The following CDH23 variants were observed in gnomAD, a reference collection of about 807,000 sequenced individuals.
CDH23 encodes cadherin related 23.
A neutral mutation model predicts 317.1 loss-of-function variants in CDH23; 189 were observed. The ratio of observed to expected loss-of-function variants is 0.60; its 90% confidence interval spans 0.53 to 0.67. The LOEUF (loss-of-function observed/expected upper bound fraction) is 0.67. Among genes scored for constraint, CDH23 ranks in the 30% least tolerant of loss-of-function variants. CDH23 has a pLI of 0.00. For synonymous variants in CDH23, 1,839 were observed against 1,876.8 expected (o/e 0.98, Z 0.52); for missense variants, 4,401 against 4,592.4 (o/e 0.96, Z 1.20).
At chr10:71,780,446 A>C (rs901010392) in intron 41 of CDH23, among the ~76,000 whole-genome samples, 2 of 152,236 alleles carry the variant, frequency 1.3e-5, no homozygotes, top group African/African-American at 4.8e-5. Context: ...AAGGTGAGTC[A>C]AGTGACATCT....
At chr10:71,409,767 C>G (rs1848267792) in intron 1 of CDH23, among the ~76,000 whole-genome samples, 2 of 152,168 alleles carry the variant, frequency 1.3e-5, no homozygotes, top group Admixed American at 1.3e-4. Flanking sequence ...CAACCTGCTT[C>G]CCCAGGCTTA....
At position 71,675,116 on chromosome 10, in the gene CDH23, C is replaced by T. The variant is rs539852104; in HGVS notation, c.1454C>T (p.Thr485Ile). The change falls in exon 15 of 70, where the codon ACT (threonine) becomes ATT (isoleucine). Residue 485 changes from threonine (T) to isoleucine (I), a missense_variant. By Grantham distance (89) the Thr-to-Ile change is moderately conservative. This residue lies in a region of CDH23 where 3,068 missense variants were observed against 3,203.3 expected (regional missense o/e 0.96). Coordinates refer to ENST00000224721, the MANE Select transcript of CDH23 (RefSeq NM_022124.6). ...TTCTTGTTCTCGCTGTTGCAGGCAA[C>T]TGACAATGATGCAGGCACCTTTGGG... ...VGTSVLTVLA[T>I]DNDAGTFGEV... 1 of 1,613,924 alleles carries T rather than the reference C, an allele frequency of 6.2e-7. No homozygotes were observed. Among genetic ancestry groups the T allele is most frequent in the Non-Finnish European group, 8.5e-7 (1 of 1,179,808 alleles).
At chr10:71,539,032 G>C (rs540372613) in intron 6 of CDH23, among the ~76,000 whole-genome samples, 1 of 152,212 alleles carries the variant, frequency 6.6e-6, no homozygotes, top group Non-Finnish European at 1.5e-5. Flanking sequence ...AGGGAACCTG[G>C]GGAGTTTCCG....
chr10:71,514,460 C>T (rs961464850), intron 6 of CDH23, among the ~76,000 whole-genome samples: 3 of 152,154 alleles, frequency 2.0e-5, no homozygotes, highest in African/African-American at 4.8e-5. Flanking sequence ...CCACCTGGAC[C>T]CAAGTCCTCA....
chr10:71,622,833 T>C (rs1861532857), intron 11 of CDH23: 2 of 553,412 alleles, frequency 3.6e-6, no homozygotes, highest in Non-Finnish European at 4.6e-6. Context: ...GGGGTAGGGA[T>C]TGGGACACCA....
chr10:71,696,598 A>G (rs1289649750), intron 22 of CDH23, among the ~76,000 whole-genome samples: 2 of 152,252 alleles, frequency 1.3e-5, no homozygotes, highest in East Asian at 3.8e-4. Flanking sequence ...CCCACACACC[A>G]GCTGACAGCC....
intron 9 of CDH23, among the ~76,000 whole-genome samples, chr10:71,585,263 C>A (rs947089580): frequency 3.9e-5 from 6 of 152,042 alleles, no homozygotes; most frequent in Admixed American, 2.0e-4. Flanking sequence ...ATGGTGGTGG[C>A]CTAGGCAGAA....
chr10:71,474,381 T>G (rs569954193), intron 3 of CDH23, among the ~76,000 whole-genome samples: 102 of 152,338 alleles, frequency 6.7e-4, no homozygotes, highest in African/African-American at 2.4e-3. Flanking sequence ...TTCTAATGCC[T>G]CTGTCGCCTC....
chr10:71,754,960 A>T (rs951635755), intron 38 of CDH23: 7 of 409,512 alleles, frequency 1.7e-5, no homozygotes, highest in Non-Finnish European at 3.0e-5. Flanking sequence ...TGATATTCCA[A>T]AGATCATTTT....
At chr10:71,545,069 G>A (rs1002657152) in intron 6 of CDH23, among the ~76,000 whole-genome samples, 1 of 152,174 alleles carries the variant, frequency 6.6e-6, no homozygotes, top group African/African-American at 2.4e-5. Context: ...GTCGAAGGAG[G>A]GATTCGCATC....
intron 12 of CDH23, chr10:71,645,558 T>C: frequency 1.6e-6 from 1 of 624,142 alleles, no homozygotes; most frequent in Non-Finnish European, 3.0e-6. Context: ...AAATGGAGAG[T>C]GAACCAAACC....
chr10:71,681,622 T>C (rs1864655572), intron 17 of CDH23, among the ~76,000 whole-genome samples: 1 of 151,418 alleles, frequency 6.6e-6, no homozygotes, highest in Non-Finnish European at 1.5e-5. Context: ...TAGCATAAAG[T>C]GGGGAGGAAA....
chr10:71,768,410 A>T (rs909702902), intron 38 of CDH23, among the ~76,000 whole-genome samples: 2 of 151,934 alleles, frequency 1.3e-5, no homozygotes, highest in African/African-American at 4.8e-5. Context: ...ACCTCATGTG[A>T]TCCACCCGCC....
chr10:71,514,205 C>T (rs1440260611), intron 6 of CDH23, among the ~76,000 whole-genome samples: 1 of 152,076 alleles, frequency 6.6e-6, no homozygotes, highest in Non-Finnish European at 1.5e-5. Flanking sequence ...CCAAACATGC[C>T]CCAGCAGAAT....
chr10:71,422,967 G>C (rs1848881401), intron 1 of CDH23, among the ~76,000 whole-genome samples: 1 of 151,802 alleles, frequency 6.6e-6, no homozygotes, highest in South Asian at 2.1e-4. Flanking sequence ...TTGGGAGGAG[G>C]GGTTGTGCTT....
At chr10:71,565,022 C>T (rs1039922272) in intron 6 of CDH23, among the ~76,000 whole-genome samples, 1 of 152,226 alleles carries the variant, frequency 6.6e-6, no homozygotes, top group Non-Finnish European at 1.5e-5. Flanking sequence ...ACACAGGGGG[C>T]TGGCAGCTCT....
chr10:71,480,370 G>A (rs923622565), intron 3 of CDH23, among the ~76,000 whole-genome samples: 3 of 152,258 alleles, frequency 2.0e-5, no homozygotes, highest in Non-Finnish European at 4.4e-5. Context: ...ACTCTGGGAG[G>A]ACAGTGGTGA....
At position 71,739,729 on chromosome 10, in the gene CDH23, C is replaced by G; in HGVS notation, c.4445C>G (p.Ala1482Gly). The G allele has an allele frequency of 1.2e-6, 2 of 1,613,272 alleles. No homozygotes were observed. Among genetic ancestry groups the G allele is most frequent in the Non-Finnish European group, 1.7e-6 (2 of 1,179,672 alleles). Residue 1482 changes from alanine to glycine, a missense_variant, in exon 36 of 70, where the codon GCC becomes GGC. Around this residue, in one of 3 missense-constraint regions of CDH23, gnomAD observed 3,068 missense variants for 3,203.3 expected, o/e 0.96. Coordinates refer to ENST00000224721, the MANE Select transcript of CDH23 (RefSeq NM_022124.6). ...TNDSIGEVFVARPLDREELDH... is the reference protein window; with the variant it reads ...TNDSIGEVFVGRPLDREELDH... ...GACTCCATTGGCGAAGTGTTTGTGG[C>G]CAGGCCCCTGGACAGAGAAGAGCTG...
intron 6 of CDH23, among the ~76,000 whole-genome samples, chr10:71,557,405 T>C (rs1167833272): frequency 6.6e-6 from 1 of 152,200 alleles, no homozygotes; most frequent in Non-Finnish European, 1.5e-5. Flanking sequence ...CCAGCTGTGC[T>C]CTGACTTGTG....
Sources: allele counts gnomAD v4.1 joint callset (sites outside exome capture counted in the v4.1 genomes callset), GRCh38; gene constraint gnomAD v4.1.1; regional missense constraint gnomAD v4.1.1; transcripts MANE v1.5; gene names NCBI Gene and HGNC (gene_info 2026-07-23, HGNC 2026-07-21).